Variants in TMEM135 observed in about 807,000 individuals in gnomAD.
TMEM135 encodes the protein peroxisomal membrane protein 52.
Under a neutral mutation model 60.3 loss-of-function variants are expected in TMEM135, and 30 were observed. The observed-to-expected ratio is 0.50, with a 90% CI of 0.37 to 0.68. The LOEUF is 0.68. Ranked by LOEUF, TMEM135 falls within the 30% of genes least tolerant of loss-of-function variation. TMEM135 has a pLI of 0.00. For missense variants in TMEM135, 468 were observed against 548.8 expected (o/e 0.85, Z 1.47); for synonymous variants, 190 against 186.7 (o/e 1.02, Z -0.14).
intron 7 of TMEM135, 64 bp from the exon 8 acceptor site, chr11:87,302,232 T>TC: frequency 7.9e-7 from 1 of 1,273,670 alleles, no homozygotes; most frequent in Non-Finnish European, 1.1e-6. Flanking sequence ...AAACAAAGTC[T>TC]TTTTTTTTTC....
At chr11:87,045,371 C>A (rs1271642586) in intron 1 of TMEM135, among the ~76,000 whole-genome samples, 1 of 152,096 alleles carries the variant, frequency 6.6e-6, no homozygotes, top group African/African-American at 2.4e-5. Context: ...TCTTTGGCTG[C>A]TCTCTGTTGA....
intron 5 of TMEM135, among the ~76,000 whole-genome samples, chr11:87,231,853 A>G (rs117376113): frequency 0.013 from 1,990 of 152,180 alleles, 16 homozygotes; most frequent in Middle Eastern, 0.021. Context: ...AGCTTACTGG[A>G]TTGTATCAAT....
chr11:87,230,450 A>T (rs568213978), intron 5 of TMEM135, among the ~76,000 whole-genome samples: 2 of 152,154 alleles, frequency 1.3e-5, no homozygotes, highest in East Asian at 3.8e-4. Context: ...TGTATTGAGC[A>T]TCTATGATGG....
chr11:87,059,959 CA>C (rs1949930780), intron 1 of TMEM135, among the ~76,000 whole-genome samples: 1 of 152,124 alleles, frequency 6.6e-6, no homozygotes, highest in Non-Finnish European at 1.5e-5. Context: ...ACTAAAAATA[CA>C]AAAATTAGCT....
Position 87,286,429 on chromosome 11 carries a change from C to T in TMEM135, c.510-9353C>T, listed in dbSNP as rs904969049. 2.0e-5 allele frequency among the ~76,000 whole-genome samples: 3 copies of T among 152,230 alleles called. No individual in the cohort carries two copies. In the East Asian group the frequency reaches 5.8e-4, roughly 29 times the overall value. ...TAGACATAAAAGTTCTCCAAGTCCC[C>T]ACCCGACTCAGGAGCCCAGCTGGCT... On this transcript the variant is annotated intron_variant, in intron 6 of 14. Coordinates refer to ENST00000305494, the MANE Select transcript of TMEM135 (RefSeq NM_022918.4).
At chr11:87,090,545 A>G (rs989707435) in intron 3 of TMEM135, among the ~76,000 whole-genome samples, 1 of 152,112 alleles carries the variant, frequency 6.6e-6, no homozygotes, top group African/African-American at 2.4e-5. Flanking sequence ...TTGAGTACTG[A>G]AAATGTTCAT....
rs1949899025 is a variant in TMEM135 at position 87,056,850 on chromosome 11, A to G, written c.142-10844A>G. Among the ~76,000 whole-genome samples, 5 of 152,356 alleles carry G rather than the reference A, an allele frequency of 3.3e-5. No homozygotes were observed. In the South Asian group the frequency reaches 1.0e-3, roughly 32 times the overall value. Reference sequence around the variant, plus strand: ...ATTGGAGAGACTGGAACAAATATGTATACTTTCTATTTTTTATCTGAATAT... The same window carrying G: ...ATTGGAGAGACTGGAACAAATATGTGTACTTTCTATTTTTTATCTGAATAT... On this transcript the variant is annotated intron_variant, in intron 1 of 14. Coordinates refer to ENST00000305494, the MANE Select transcript of TMEM135 (RefSeq NM_022918.4).
chr11:87,068,091 A>G (rs1856702242), intron 2 of TMEM135, among the ~76,000 whole-genome samples: 2 of 152,198 alleles, frequency 1.3e-5, no homozygotes, highest in African/African-American at 4.8e-5. Flanking sequence ...TGTTATATTT[A>G]CCAAGTTGTT....
intron 4 of TMEM135, among the ~76,000 whole-genome samples, chr11:87,112,986 C>T (rs755496656): frequency 2.0e-5 from 3 of 151,804 alleles, no homozygotes; most frequent in Non-Finnish European, 2.9e-5. Context: ...TGCACTTTGG[C>T]GTGCAGAAAA....
chr11:87,313,472 A>G lies in TMEM135; in HGVS notation c.984A>G (p.Leu328=). 1 of 1,610,844 alleles carries G rather than the reference A, an allele frequency of 6.2e-7. No individual in the cohort carries two copies. The highest frequency in any genetic ancestry group is 8.5e-7 in the Non-Finnish European group (1 of 1,177,612). The change falls in exon 11 of 15, where the codon CTA becomes CTG. Residue 328 remains leucine (L), a synonymous_variant. Transcript: ENST00000305494. ...GGATCAGAAACTTAGATGATGAACTACATGCTATTATAGCTGGTAAAGCAA... is the reference window on the plus strand; with the variant it reads ...GGATCAGAAACTTAGATGATGAACTGCATGCTATTATAGCTGGTAAAGCAA... The part of the protein sequence containing the change: ...LRWIRNLDDE[L]HAIIAGFLAG...
At chr11:87,302,240 T>C in intron 7 of TMEM135, 56 bp from the exon 8 acceptor site, 1 of 1,562,350 alleles carries the variant, frequency 6.4e-7, no homozygotes, top group South Asian at 1.2e-5. Context: ...TCTTTTTTTT[T>C]TCCTCATTGA....
intron 5 of TMEM135, among the ~76,000 whole-genome samples, chr11:87,195,384 TC>T (rs1939924513): frequency 8.3e-6 from 1 of 120,082 alleles, no homozygotes; most frequent in Admixed American, 8.7e-5. Flanking sequence ...CTTCCTTCCT[TC>T]CTTCCTTCTC....
intron 1 of TMEM135, among the ~76,000 whole-genome samples, chr11:87,065,970 A>T (rs2135134224): frequency 6.6e-6 from 1 of 152,344 alleles, no homozygotes; most frequent in East Asian, 1.9e-4. Flanking sequence ...ATGTTCCTTG[A>T]AGGAAAAGAT....
At chr11:87,239,449 C>T (rs1941081822) in intron 6 of TMEM135, among the ~76,000 whole-genome samples, 1 of 151,200 alleles carries the variant, frequency 6.6e-6, no homozygotes, top group Non-Finnish European at 1.5e-5. Context: ...TTGTACATAA[C>T]ACTTGGCAGG....
chr11:87,256,672 A>G (rs905652735), intron 6 of TMEM135, among the ~76,000 whole-genome samples: 1 of 152,194 alleles, frequency 6.6e-6, no homozygotes, highest in Non-Finnish European at 1.5e-5. Context: ...GGGGGCAAAA[A>G]CATGTCTTTT....
intron 5 of TMEM135, among the ~76,000 whole-genome samples, chr11:87,159,496 G>C (rs1287522091): frequency 6.6e-6 from 1 of 152,044 alleles, no homozygotes; most frequent in Admixed American, 6.6e-5. Flanking sequence ...TTAAATGGTA[G>C]TTAGGATAGG....
chr11:87,277,482 T>C lies in TMEM135; in HGVS notation c.510-18300T>C, dbSNP rs565636789. ...AACTGCCGTATTGGATCACATTTGC[T>C]GTACTCTGAGAATAAGCAGTAGTAA... On this transcript the variant is annotated intron_variant, in intron 6 of 14. Coordinates refer to ENST00000305494, the MANE Select transcript of TMEM135 (RefSeq NM_022918.4). The C allele has an allele frequency of 1.8e-5, 3 of 168,092 alleles. No individual in the cohort carries two copies. The South Asian group carries it at 3.2e-4, about 18-fold the overall frequency. The allele number at this position is 168,092 out of a possible 1,614,324, so 10.4% of individuals were successfully genotyped here.
intron 6 of TMEM135, among the ~76,000 whole-genome samples, chr11:87,242,411 C>G (rs1941159491): frequency 2.2e-5 from 3 of 137,766 alleles, no homozygotes; most frequent in Admixed American, 7.3e-5. Context: ...GTTCTAGATC[C>G]CTGAGGAATC....
chr11:87,122,832 A>G (rs1195238516), intron 4 of TMEM135, among the ~76,000 whole-genome samples: 1 of 152,168 alleles, frequency 6.6e-6, no homozygotes, highest in African/African-American at 2.4e-5. Context: ...AGTACTCATC[A>G]GTACTCAGTA....
Sources: allele counts gnomAD v4.1 joint callset (sites outside exome capture counted in the v4.1 genomes callset), GRCh38; gene constraint gnomAD v4.1.1; transcripts MANE v1.5; gene names NCBI Gene and HGNC (gene_info 2026-07-23, HGNC 2026-07-21).